Variants in ZDHHC8 observed in about 807,000 individuals in gnomAD.
ZDHHC8 encodes the protein zDHHC palmitoyltransferase 8.
In ZDHHC8, 24 loss-of-function variants were observed where a neutral mutation model predicts 61.2. That is an observed-to-expected ratio of 0.39 (90% CI 0.28 to 0.55). The LOEUF (loss-of-function observed/expected upper bound fraction) is 0.55. Ranked by LOEUF, ZDHHC8 falls within the 20% of genes least tolerant of loss-of-function variation. ZDHHC8 has a pLI of 0.60. For synonymous variants in ZDHHC8, 523 were observed against 492.5 expected (o/e 1.06, Z -0.82); for missense variants, 935 against 1,102.1 (o/e 0.85, Z 2.15).
At chr22:20,141,638 C>A in intron 9 of ZDHHC8, 108 bp downstream of exon 9, 2 of 954,898 alleles carry the variant, frequency 2.1e-6, no homozygotes, top group Non-Finnish European at 3.1e-6. Context: ...AGAGCCCCAT[C>A]TCTCCAGCAG....
Position 20,143,728 on chromosome 22 carries a change from G to A in ZDHHC8, c.2098G>A (p.Glu700Lys), listed in dbSNP as rs1244972370. 7 of 1,609,882 alleles carry A rather than the reference G, an allele frequency of 4.3e-6. No homozygotes were observed. The highest frequency in any genetic ancestry group is 3.3e-5 in the Admixed American group (2 of 59,960). The change falls in exon 10 of 11, where the codon GAG becomes AAG. Residue 700 changes from glutamate (E) to lysine (K), a missense_variant. Transcript: ENST00000334554. Reference sequence around the variant, plus strand: ...CGCCTTCATCCACACGGACCTCCCAGAGCCACCGCCCTCGCTGACCGTGCA... The same window carrying A: ...CGCCTTCATCCACACGGACCTCCCAAAGCCACCGCCCTCGCTGACCGTGCA... Reference protein sequence around the residue: ...AVAFIHTDLPEPPPSLTVQRD... With the variant: ...AVAFIHTDLPKPPPSLTVQRD...
chr22:20,146,954 G>A lies in ZDHHC8; in HGVS notation c.*1554G>A, dbSNP rs370810244. ...GGCTGTCCCAGCGTGGGAGGCGTGC[G>A]GGCTGTAGGGCCCCGAAGCTGACCT... On this transcript the variant is annotated 3_prime_UTR_variant, in exon 11 of 11. Coordinates refer to ENST00000334554, the MANE Select transcript of ZDHHC8 (RefSeq NM_013373.4). The A allele has an allele frequency of 2.9e-4, 398 of 1,365,716 alleles. No homozygotes were observed. The African/African-American group carries it at 5.7e-3, about 19-fold the overall frequency. The allele number at this position is 1,365,716 out of a possible 1,614,324, so 84.6% of individuals were successfully genotyped here.
Position 20,143,090 on chromosome 22 carries a change from C to T in ZDHHC8, c.1460C>T (p.Ser487Leu), listed in dbSNP as rs140830467. The change falls in exon 10 of 11, where the codon TCG becomes TTG. Residue 487 changes from serine (S) to leucine (L), a missense_variant. Ser to Leu is a moderately radical substitution (Grantham distance 145, BLOSUM62 -2). Transcript: ENST00000334554. Reference sequence around the variant, plus strand: ...TATGACAGCCTGCTCAATCCTGGCTCGCCTGGTGGCCACGCCTGCCCTGCC... The same window carrying T: ...TATGACAGCCTGCTCAATCCTGGCTTGCCTGGTGGCCACGCCTGCCCTGCC... ...LSYDSLLNPGSPGGHACPAHP... is the reference protein window; with the variant it reads ...LSYDSLLNPGLPGGHACPAHP... The T allele has an allele frequency of 1.1e-5, 17 of 1,612,282 alleles. No homozygotes were observed. Among genetic ancestry groups the T allele is most frequent in the African/African-American group, 6.7e-5 (5 of 74,918 alleles).
At chr22:20,137,208 C>T (rs1244939130) in intron 1 of ZDHHC8, among the ~76,000 whole-genome samples, 3 of 152,232 alleles carry the variant, frequency 2.0e-5, no homozygotes, top group Non-Finnish European at 4.4e-5. Flanking sequence ...AGTAGCCCCA[C>T]GGCTGCAAGG....
Position 20,140,718 on chromosome 22 carries a change from G to A in ZDHHC8, c.752+10G>A, listed in dbSNP as rs372754036. 3.8e-5 allele frequency: 61 copies of A among 1,607,432 alleles called. No individual in the cohort carries two copies. The highest frequency in any genetic ancestry group is 3.2e-4 in the Admixed American group (19 of 59,544). ...GCCCCCTGGCGCCCCGGTGAGGCCC[G>A]GCCTGGGCAGGGTGGAGGGGGGCCT... On this transcript the variant is annotated intron_variant, in intron 6 of 10. Coordinates refer to ENST00000334554, the MANE Select transcript of ZDHHC8 (RefSeq NM_013373.4).
At chr22:20,137,490 G>A (rs557113677) in intron 1 of ZDHHC8, among the ~76,000 whole-genome samples, 111 of 152,384 alleles carry the variant, frequency 7.3e-4, no homozygotes, top group African/African-American at 2.6e-3. Flanking sequence ...AATGGCACTC[G>A]CCGCATCCCT....
chr22:20,143,809 C>T (rs1396429800), intron 10 of ZDHHC8, 53 bp downstream of exon 10: 39 of 1,544,022 alleles, frequency 2.5e-5, no homozygotes, highest in Middle Eastern at 2.3e-4. Context: ...GCTGTCCAGC[C>T]GTCTCCAGGG....
rs1292403660 is a variant in ZDHHC8 at position 20,145,931 on chromosome 22, G to A, written c.*531G>A. The stretch of plus-strand genomic sequence containing the variant: ...CCGCTGGAAGCTTGTAGCTTGGCAA[G>A]GCTGATGCTTCTGCCCTGGCCTGCT... On this transcript the variant is annotated 3_prime_UTR_variant, in exon 11 of 11. Transcript: ENST00000334554. 80 of 985,704 alleles carry A rather than the reference G, an allele frequency of 8.1e-5. No individual in the cohort carries two copies. Among genetic ancestry groups the A allele is most frequent in the Non-Finnish European group, 8.8e-5 (73 of 830,046 alleles). The allele number at this position is 985,704 out of a possible 1,614,324, so 61.1% of individuals were successfully genotyped here.
Position 20,139,460 on chromosome 22 carries a change from C to T in ZDHHC8, c.227-18C>T, listed in dbSNP as rs1304301203. ...GGAAAGTCAACTTCCTGCTCACTGC[C>T]TGGCTCCTGGTCTGTAGCGGATGAG... On this transcript the variant is annotated intron_variant, in intron 2 of 10. Coordinates refer to ENST00000334554, the MANE Select transcript of ZDHHC8 (RefSeq NM_013373.4). The T allele has an allele frequency of 1.2e-6, 2 of 1,611,798 alleles. No individual in the cohort carries two copies. Among genetic ancestry groups the T allele is most frequent in the Admixed American group, 3.3e-5 (2 of 59,974 alleles).
At position 20,140,417 on chromosome 22, in the gene ZDHHC8, A is replaced by C. The variant is rs1052387026; in HGVS notation, c.660+200A>C. ...CATCCTGCCTGTGGACACTGTGGCC[A>C]CCAGTGACCCAGAAATCCCACAGCT... On this transcript the variant is annotated intron_variant, in intron 5 of 10. Transcript: ENST00000334554. The C allele has an allele frequency of 2.4e-5, 19 of 779,840 alleles. No individual in the cohort carries two copies. The African/African-American group carries it at 3.3e-4, about 14-fold the overall frequency. The allele number at this position is 779,840 out of a possible 1,614,324, so 48.3% of individuals were successfully genotyped here.
In ZDHHC8 at chr22:20,145,420, C is replaced by A; in HGVS notation, c.*20C>A. The A allele has an allele frequency of 6.8e-7, 1 of 1,481,046 alleles. No homozygotes were observed. The allele number at this position is 1,481,046 out of a possible 1,614,324, so 91.7% of individuals were successfully genotyped here. ...GTGTGAGGACTGACTGCCACACATC[C>A]GCCATGGTGCCACGGGGACCAGGAC... On this transcript the variant is annotated 3_prime_UTR_variant, in exon 11 of 11. Transcript: ENST00000334554.
At chr22:20,140,318 G>A in intron 5 of ZDHHC8, 101 bp downstream of exon 5, 1 of 1,223,086 alleles carries the variant, frequency 8.2e-7, no homozygotes, top group Non-Finnish European at 1.1e-6. Context: ...GAGGTAGCTT[G>A]TGCAGCTGTG....
In ZDHHC8 at chr22:20,146,209, C is replaced by T. The variant is rs1217268148; in HGVS notation, c.*809C>T. The T allele has an allele frequency of 2.0e-6, 2 of 985,464 alleles. No individual in the cohort carries two copies. The highest frequency in any genetic ancestry group is 2.4e-6 in the Non-Finnish European group (2 of 829,912). The allele number at this position is 985,464 out of a possible 1,614,324, so 61.0% of individuals were successfully genotyped here. ...GGGCTGGTGACACCCAGAGCCCCCT[C>T]CCCAGCCCTCAGGCCCTCCCTGCCA... is the stretch of plus-strand genomic sequence containing the variant. On this transcript the variant is annotated 3_prime_UTR_variant, in exon 11 of 11. Transcript: ENST00000334554.
chr22:20,146,768 T>G lies in ZDHHC8; in HGVS notation c.*1368T>G. The G allele has an allele frequency of 8.2e-7, 1 of 1,217,368 alleles. No homozygotes were observed. Among genetic ancestry groups the G allele is most frequent in the Non-Finnish European group, 1.0e-6 (1 of 979,018 alleles). 75.4% of individuals were successfully genotyped at this position (1,217,368 alleles called of 1,614,324 possible). On this transcript the variant is annotated 3_prime_UTR_variant, in exon 11 of 11. Coordinates refer to ENST00000334554, the MANE Select transcript of ZDHHC8 (RefSeq NM_013373.4). ...GGGGACTCTCAGGAACCCGAGAGCT[T>G]GGGGAGATGAAATGGGGGTGCATAG...
At position 20,143,014 on chromosome 22, in the gene ZDHHC8, C is replaced by T. The variant is rs771201126; in HGVS notation, c.1384C>T (p.Arg462Cys). Residue 462 changes from arginine (R) to cysteine (C), a missense_variant, in exon 10 of 11, where the codon CGT becomes TGT. Around this residue, in one of 3 missense-constraint regions of ZDHHC8, gnomAD observed 692 missense variants for 731.4 expected, o/e 0.95. Coordinates refer to ENST00000334554, the MANE Select transcript of ZDHHC8 (RefSeq NM_013373.4). ...RSEGGPPTPHRSIFAPHALPN... is the reference protein window; with the variant it reads ...RSEGGPPTPHCSIFAPHALPN... ...TGAGGGGGGGCCCCCCACGCCCCAC[C>T]GTAGCATTTTTGCCCCCCATGCACT... The T allele has an allele frequency of 9.9e-6, 16 of 1,612,010 alleles. No individual in the cohort carries two copies. The highest frequency in any genetic ancestry group is 9.3e-5 in the African/African-American group (7 of 74,926).
Position 20,145,345 on chromosome 22 carries a change from C to A in ZDHHC8, c.2243C>A (p.Thr748Lys). ...PGPSASPTRH[T>K]LVKKVSGVGG... is the part of the protein sequence containing the mutation. ...CCCTCTGCCAGCCCTACACGGCACA[C>A]GCTGGTTAAGAAGGTGTCCGGCGTG... The change falls in exon 11 of 11, where the codon ACG (threonine) becomes AAG (lysine). Residue 748 changes from threonine (T) to lysine (K), a missense_variant. Coordinates refer to ENST00000334554, the MANE Select transcript of ZDHHC8 (RefSeq NM_013373.4). 1 of 1,592,354 alleles carries A rather than the reference C, an allele frequency of 6.3e-7. No homozygotes were observed. The highest frequency in any genetic ancestry group is 8.5e-7 in the Non-Finnish European group (1 of 1,170,818).
intron 5 of ZDHHC8, 63 bp from the exon 6 acceptor site, chr22:20,140,553 GC>G: frequency 6.8e-7 from 1 of 1,472,186 alleles, no homozygotes; most frequent in African/African-American, 1.4e-5. Flanking sequence ...CCCTTGCCCA[GC>G]CCCCTGCCCA....
At position 20,142,845 on chromosome 22, in the gene ZDHHC8, T is replaced by G. The variant is rs146801450; in HGVS notation, c.1215T>G (p.Tyr405Ter). Residue 405 changes from tyrosine (Y) to a stop codon, truncating the protein, a stop_gained, in exon 10 of 11, where the codon TAT becomes TAG. Coordinates refer to ENST00000334554, the MANE Select transcript of ZDHHC8 (RefSeq NM_013373.4). LOFTEE classifies it high-confidence loss of function. ...VSEPSLDLPD[Y>*]GPGGLHAAYP... is the part of the protein sequence containing the mutation. ...AGCCGAGCCTGGACCTCCCTGACTA[T>G]GGGCCAGGGGGCCTGCATGCAGCCT... 1 of 1,612,642 alleles carries G rather than the reference T, an allele frequency of 6.2e-7. No individual in the cohort carries two copies. The highest frequency in any genetic ancestry group is 1.7e-5 in the Admixed American group (1 of 59,998).
At position 20,139,307 on chromosome 22, in the gene ZDHHC8, T is replaced by C; in HGVS notation, c.218T>C (p.Phe73Ser). The C allele has an allele frequency of 1.2e-6, 2 of 1,613,572 alleles. No individual in the cohort carries two copies. The highest frequency in any genetic ancestry group is 1.7e-6 in the Non-Finnish European group (2 of 1,179,812). ...SMATFMDPGV[F>S]PRADEDEDKE... ...GCCACTTTCATGGACCCTGGTGTTT[T>C]CCCCCGAGGTAGGGCCCTGTGCTGC... The change falls in exon 2 of 11, where the codon TTC becomes TCC. Residue 73 changes from phenylalanine to serine, a missense_variant. By Grantham distance (155) the Phe-to-Ser change is radical. This residue lies in a region of ZDHHC8 where 199 missense variants were observed against 334.0 expected (regional missense o/e 0.60). Coordinates refer to ENST00000334554, the MANE Select transcript of ZDHHC8 (RefSeq NM_013373.4).
Sources: gnomAD v4.1 joint callset for allele counts (sites outside exome capture counted in the v4.1 genomes callset) on GRCh38, gnomAD v4.1.1 for gene constraint, gnomAD v4.1.1 regional missense constraint, MANE v1.5 for transcripts, NCBI Gene and HGNC (gene_info 2026-07-23, HGNC 2026-07-21) for gene names.